RPUSD2: variants seen among roughly 807,000 people sequenced by gnomAD.
RPUSD2 encodes the protein pseudouridylate synthase RPUSD2.
RPUSD2 carries 31 observed loss-of-function variants against 41.5 expected under a neutral mutation model. The ratio of observed to expected loss-of-function variants is 0.75; its 90% CI spans 0.56 to 1.01. RPUSD2 has a LOEUF of 1.01. RPUSD2 is among the 50% of genes least tolerant of loss of function. The pLI is 0.00. For synonymous variants in RPUSD2, 305 were observed against 289.7 expected, an observed-to-expected ratio of 1.05 and a Z score of -0.54; for missense variants, 749 against 724.7, an observed-to-expected ratio of 1.03 and a Z score of -0.38.
chr15:40,574,305 A>G lies in RPUSD2; in HGVS notation c.*44A>G. Reference sequence around the variant, plus strand: ...GATTGCTTCTTGGGTTGTGACAAGGATGGGCTATAGGGCAAGGGCTGACCC... The same window carrying G: ...GATTGCTTCTTGGGTTGTGACAAGGGTGGGCTATAGGGCAAGGGCTGACCC... On this transcript the variant is annotated 3_prime_UTR_variant, in exon 3 of 3. Coordinates refer to ENST00000315616, the MANE Select transcript of RPUSD2 (RefSeq NM_152260.3). The G allele has an allele frequency of 6.3e-7, 1 of 1,577,660 alleles. No individual in the cohort carries two copies. The highest frequency in any genetic ancestry group is 8.6e-7 in the Non-Finnish European group (1 of 1,164,168).
chr15:40,569,315 A>G lies in RPUSD2; in HGVS notation c.-23A>G. On this transcript the variant is annotated 5_prime_UTR_variant, in exon 1 of 3. Transcript: ENST00000315616. ...GACGTCCTCAGATCGCGACCCTGGG[A>G]GTGGAGTGGGGGCAGCGTGGTTATG... is the stretch of plus-strand genomic sequence containing the variant. 2.8e-6 allele frequency: 4 copies of G among 1,428,458 alleles called. No homozygotes were observed. Among genetic ancestry groups the G allele is most frequent in the Non-Finnish European group, 2.8e-6 (3 of 1,087,308 alleles). The allele number at this position is 1,428,458 out of a possible 1,614,324, so 88.5% of individuals were successfully genotyped here.
chr15:40,569,600 A>C lies in RPUSD2; in HGVS notation c.263A>C (p.His88Pro). ...EVEPAPVGGE[H>P]PSAAAPGPGK... ...GAGCCGGCCCCAGTAGGCGGGGAGC[A>C]TCCCTCGGCTGCAGCCCCAGGCCCG... The change falls in exon 1 of 3, where the codon CAT (histidine) becomes CCT (proline). Residue 88 changes from histidine (H) to proline (P), a missense_variant. Coordinates refer to ENST00000315616, the MANE Select transcript of RPUSD2 (RefSeq NM_152260.3). 1 of 1,533,054 alleles carries C rather than the reference A, an allele frequency of 6.5e-7. No individual in the cohort carries two copies. The highest frequency in any genetic ancestry group is 2.3e-5 in the East Asian group (1 of 43,278). The allele number at this position is 1,533,054 out of a possible 1,614,324, so 95.0% of individuals were successfully genotyped here.
At position 40,573,590 on chromosome 15, in the gene RPUSD2, G is replaced by C; in HGVS notation, c.967G>C (p.Glu323Gln). ...EFPTEEVTCK[E>Q]PILVVSYKVG... is the part of the protein sequence containing the mutation. ...CCCCACTGAGGAAGTGACCTGTAAA[G>C]AACCCATCTTAGTGGTGTCTTACAA... The change falls in exon 3 of 3, where the codon GAA (glutamate) becomes CAA (glutamine). Residue 323 changes from glutamate to glutamine, a missense_variant. By Grantham distance (29) the Glu-to-Gln change is conservative (BLOSUM62 2). Coordinates refer to ENST00000315616, the MANE Select transcript of RPUSD2 (RefSeq NM_152260.3). 6.2e-7 allele frequency: 1 copy of C among 1,614,202 alleles called. No individual in the cohort carries two copies. The highest frequency in any genetic ancestry group is 8.5e-7 in the Non-Finnish European group (1 of 1,180,040).
At chr15:40,572,674 G>A (rs921510884) in intron 2 of RPUSD2, among the ~76,000 whole-genome samples, 4 of 152,154 alleles carry the variant, frequency 2.6e-5, no homozygotes, top group Admixed American at 1.3e-4. Context: ...TGAGGCTGCA[G>A]TGAGCCATGA....
Position 40,574,036 on chromosome 15 carries a change from C to T in RPUSD2, c.1413C>T (p.Ala471=), listed in dbSNP as rs1476001642. The T allele has an allele frequency of 1.2e-6, 2 of 1,613,944 alleles. No individual in the cohort carries two copies. The highest frequency in any genetic ancestry group is 2.2e-5 in the South Asian group (2 of 91,070). The change falls in exon 3 of 3, where the codon GCC becomes GCT. Residue 471 remains alanine, a synonymous_variant. Coordinates refer to ENST00000315616, the MANE Select transcript of RPUSD2 (RefSeq NM_152260.3). ...AQKMEEVAEA[A]PQELDTIALA... ...AGATGGAGGAAGTAGCTGAGGCAGC[C>T]CCTCAGGAGTTGGACACAATAGCCT...
chr15:40,570,075 C>G (rs761003728), intron 1 of RPUSD2, 132 bp downstream of exon 1: 19 of 1,265,894 alleles, frequency 1.5e-5, no homozygotes, highest in Admixed American at 9.4e-5. Flanking sequence ...AAAGCGTTCT[C>G]GCTTTCATTT....
Position 40,571,712 on chromosome 15 carries a change from T to G in RPUSD2, c.715T>G (p.Ser239Ala), listed in dbSNP as rs750788376. The change falls in exon 2 of 3, where the codon TCC becomes GCC. Residue 239 changes from serine to alanine, a missense_variant. Ser to Ala is a moderately conservative substitution (Grantham distance 99). Coordinates refer to ENST00000315616, the MANE Select transcript of RPUSD2 (RefSeq NM_152260.3). ...AGATGTGGTGGTTGTAGACAAGCCT[T>G]CCTCCATTCCCGTTCACCCCTGTGG... The part of the protein sequence containing the change: ...NEDVVVVDKP[S>A]SIPVHPCGRF... 5.0e-6 allele frequency: 8 copies of G among 1,614,216 alleles called. No homozygotes were observed. The East Asian group carries it at 1.6e-4, about 31-fold the overall frequency.
At position 40,571,860 on chromosome 15, in the gene RPUSD2, C is replaced by T. The variant is rs1394953956; in HGVS notation, c.863C>T (p.Ala288Val). The change falls in exon 2 of 3, where the codon GCA becomes GTA. Residue 288 changes from alanine to valine, a missense_variant. Physicochemically the swap from Ala to Val is moderately conservative, Grantham distance 64. Transcript: ENST00000315616. Reference protein sequence around the residue: ...SGVLMFAKTAAVSERIHEQVR... With the variant: ...SGVLMFAKTAVVSERIHEQVR... ...GTGCTTATGTTTGCCAAGACAGCTG[C>T]AGTCTCTGAGAGAATTCACGAGCAG... 1 of 1,614,188 alleles carries T rather than the reference C, an allele frequency of 6.2e-7. No individual in the cohort carries two copies. Among genetic ancestry groups the T allele is most frequent in the South Asian group, 1.1e-5 (1 of 91,080 alleles).
chr15:40,569,659 G>A lies in RPUSD2; in HGVS notation c.322G>A (p.Glu108Lys), dbSNP rs1038210275. The A allele has an allele frequency of 1.8e-5, 28 of 1,546,314 alleles. No individual in the cohort carries two copies. The highest frequency in any genetic ancestry group is 2.3e-5 in the Non-Finnish European group (26 of 1,143,514). The change falls in exon 1 of 3, where the codon GAG becomes AAG. Residue 108 changes from glutamate (E) to lysine (K), a missense_variant. Physicochemically the swap from Glu to Lys is moderately conservative, Grantham distance 56. Transcript: ENST00000315616. The part of the protein sequence containing the change: ...KHKKRRGATR[E>K]RVVPPPKKRR... Reference sequence around the variant, plus strand: ...TAAGAAGCGGCGGGGCGCAACCAGGGAGCGTGTCGTGCCGCCCCCGAAGAA... The same window carrying A: ...TAAGAAGCGGCGGGGCGCAACCAGGAAGCGTGTCGTGCCGCCCCCGAAGAA...
Position 40,569,893 on chromosome 15 carries a change from C to A in RPUSD2, c.556C>A (p.Arg186Ser), listed in dbSNP as rs772960729. 19 of 1,579,224 alleles carry A rather than the reference C, an allele frequency of 1.2e-5. No homozygotes were observed. The highest frequency in any genetic ancestry group is 1.5e-5 in the Non-Finnish European group (17 of 1,163,132). The change falls in exon 1 of 3, where the codon CGC becomes AGC. Residue 186 changes from arginine to serine, a missense_variant. Coordinates refer to ENST00000315616, the MANE Select transcript of RPUSD2 (RefSeq NM_152260.3). ...CTATGAGGCCGCGGTCCGGGCGGGC[C>A]GCCTGCAACTCAACGAGAAGCCGGT... ...AYYEAAVRAG[R>S]LQLNEKPVQD...
rs1377206232 is a variant in RPUSD2, at chr15:40,569,387, A to G, written c.50A>G (p.Tyr17Cys). The G allele has an allele frequency of 1.3e-6, 2 of 1,520,192 alleles. No homozygotes were observed. Among genetic ancestry groups the G allele is most frequent in the East Asian group, 2.3e-5 (1 of 43,084 alleles). The allele number at this position is 1,520,192 out of a possible 1,614,324, so 94.2% of individuals were successfully genotyped here. Residue 17 changes from tyrosine (Y) to cysteine (C), a missense_variant, in exon 1 of 3, where the codon TAC (tyrosine) becomes TGC (cysteine). Physicochemically the swap from Tyr to Cys is radical, Grantham distance 194. Coordinates refer to ENST00000315616, the MANE Select transcript of RPUSD2 (RefSeq NM_152260.3). ...CTCAGGGTTCTTGGACATTGGCGCTACGACCTTAGGCGCCCTAGCTTTACC... is the reference window on the plus strand; with the variant it reads ...CTCAGGGTTCTTGGACATTGGCGCTGCGACCTTAGGCGCCCTAGCTTTACC... ...GWLRVLGHWRYDLRRPSFTRT... is the reference protein window; with the variant it reads ...GWLRVLGHWRCDLRRPSFTRT...
chr15:40,572,408 T>C (rs1891162421), intron 2 of RPUSD2, among the ~76,000 whole-genome samples: 1 of 151,016 alleles, frequency 6.6e-6, no homozygotes, highest in East Asian at 2.0e-4. Flanking sequence ...TAAAAAAAAA[T>C]ACAAAAAATT....
At position 40,574,001 on chromosome 15, in the gene RPUSD2, G is replaced by A; in HGVS notation, c.1378G>A (p.Ala460Thr). ...GGACGACCTGGAAGAGTTGGCTGCA[G>A]CTGCCCAGAAGATGGAGGAAGTAGC... is the stretch of plus-strand genomic sequence containing the variant. Reference protein sequence around the residue: ...GKDDLEELAAAAQKMEEVAEA... With the variant: ...GKDDLEELAATAQKMEEVAEA... The change falls in exon 3 of 3, where the codon GCT becomes ACT. Residue 460 changes from alanine (A) to threonine (T), a missense_variant. By Grantham distance (58) the Ala-to-Thr change is moderately conservative. Transcript: ENST00000315616. The A allele has an allele frequency of 6.2e-7, 1 of 1,614,146 alleles. No homozygotes were observed. Among genetic ancestry groups the A allele is most frequent in the Non-Finnish European group, 8.5e-7 (1 of 1,180,030 alleles).
In RPUSD2 at chr15:40,569,666, T is replaced by C. The variant is rs769318066; in HGVS notation, c.329T>C (p.Val110Ala). The stretch of plus-strand genomic sequence containing the variant: ...CGGCGGGGCGCAACCAGGGAGCGTG[T>C]CGTGCCGCCCCCGAAGAAGCGGCGG... ...KKRRGATRERVVPPPKKRRTG... is the reference protein window; with the variant it reads ...KKRRGATRERAVPPPKKRRTG... The change falls in exon 1 of 3, where the codon GTC becomes GCC. Residue 110 changes from valine (V) to alanine (A), a missense_variant. Coordinates refer to ENST00000315616, the MANE Select transcript of RPUSD2 (RefSeq NM_152260.3). 1 of 1,549,652 alleles carries C rather than the reference T, an allele frequency of 6.5e-7. No individual in the cohort carries two copies. Among genetic ancestry groups the C allele is most frequent in the East Asian group, 2.3e-5 (1 of 42,554 alleles).
Position 40,571,756 on chromosome 15 carries a change from A to G in RPUSD2, c.759A>G (p.Thr253=), listed in dbSNP as rs868430128. The G allele has an allele frequency of 1.9e-6, 3 of 1,614,090 alleles. No individual in the cohort carries two copies. Among genetic ancestry groups the G allele is most frequent in the Middle Eastern group, 1.6e-4 (1 of 6,084 alleles). Residue 253 remains threonine (T), a synonymous_variant, in exon 2 of 3, where the codon ACA becomes ACG. Coordinates refer to ENST00000315616, the MANE Select transcript of RPUSD2 (RefSeq NM_152260.3). The part of the protein sequence containing the change: ...VHPCGRFRHN[T]VIFILGKEHQ... ...CCTGTGGCCGCTTCCGACACAACAC[A>G]GTTATCTTCATCCTAGGCAAGGAGC...
rs55983444 is a variant in RPUSD2 at position 40,574,692 on chromosome 15, TAA to T, written c.*444_*445del. ...GGTGACAGAGTGAGACCCTGTCTCT[TAA>T]AAAAAAAAAAAATTAACCAATTTAA... On this transcript the variant is annotated 3_prime_UTR_variant, in exon 3 of 3. Transcript: ENST00000315616. 12 of 146,362 alleles carry T rather than the reference TAA, an allele frequency of 8.2e-5. No individual in the cohort carries two copies. Among genetic ancestry groups the T allele is most frequent in the Admixed American group, 2.7e-4 (4 of 14,724 alleles). The allele number at this position is 146,362 out of a possible 1,614,324, so 9.1% of individuals were successfully genotyped here. A position where few individuals can be genotyped will look rare whatever the true frequency, so the allele number is the denominator to read the frequency against.
chr15:40,573,466 G>A (rs1891183099), intron 2 of RPUSD2, 61 bp from the exon 3 acceptor site: 1 of 1,548,356 alleles, frequency 6.5e-7, no homozygotes, highest in African/African-American at 1.4e-5. Context: ...ACTCCACAAA[G>A]AGTTTGGACT....
chr15:40,573,950 A>G lies in RPUSD2; in HGVS notation c.1327A>G (p.Thr443Ala). ...GDLSPGLTDSTAPSSELGKDD... is the reference protein window; with the variant it reads ...GDLSPGLTDSAAPSSELGKDD... ...CCTGTCCCCAGGACTCACAGACTCT[A>G]CGGCCCCCTCCTCAGAGTTGGGCAA... The change falls in exon 3 of 3, where the codon ACG becomes GCG. Residue 443 changes from threonine to alanine, a missense_variant. By Grantham distance (58) the Thr-to-Ala change is moderately conservative. Coordinates refer to ENST00000315616, the MANE Select transcript of RPUSD2 (RefSeq NM_152260.3). 6.2e-7 allele frequency: 1 copy of G among 1,614,114 alleles called. No homozygotes were observed. The highest frequency in any genetic ancestry group is 1.3e-5 in the African/African-American group (1 of 75,020).
intron 1 of RPUSD2, among the ~76,000 whole-genome samples, chr15:40,570,410 C>T (rs575992320): frequency 5.7e-4 from 87 of 152,304 alleles, no homozygotes; most frequent in African/African-American, 2.1e-3. Flanking sequence ...CATTTTACCT[C>T]TGAGGAAACT....
Sources: allele counts gnomAD v4.1 joint callset (sites outside exome capture counted in the v4.1 genomes callset), GRCh38; gene constraint gnomAD v4.1.1; transcripts MANE v1.5; gene names NCBI Gene and HGNC (gene_info 2026-07-23, HGNC 2026-07-21).